AVEN: variants seen among roughly 807,000 people sequenced by gnomAD.
AVEN encodes the protein apoptosis and caspase activation inhibitor, also known as cell death regulator Aven.
AVEN carries 41 observed loss-of-function variants against 38.1 expected under a neutral mutation model. The observed-to-expected ratio is 1.08, with a 90% CI of 0.84 to 1.40. The LOEUF (loss-of-function observed/expected upper bound fraction) is 1.40, where lower values mean the gene tolerates loss of function less well. Among genes scored for constraint, AVEN ranks in the 40% most tolerant of loss-of-function variants. The pLI, the probability that AVEN is intolerant of heterozygous loss-of-function variation, is 0.00. For missense variants in AVEN, 605 were observed against 438.8 expected, an observed-to-expected ratio of 1.38 and a Z score of -3.38; for synonymous variants, 206 against 171.8, an observed-to-expected ratio of 1.20 and a Z score of -1.56.
At chr15:33,983,138 GTGTGTGTGTGTGTGTGTGTGTA>G (rs1222240519) in intron 2 of AVEN, among the ~76,000 whole-genome samples, 1 of 125,376 alleles carries the variant, frequency 8.0e-6, no homozygotes, top group African/African-American at 3.5e-5. Flanking sequence ...CTGTGTGTGT[GTGTGTGTGTGTGTGTGTGTGTA>G]TGTGTGTGTG....
At position 33,866,674 on chromosome 15, in the gene AVEN, C is replaced by CTTGG; in HGVS notation, c.1024_1027dup (p.Ser343ThrfsTer58). ...TTCCTCGGTAACATTTTTGGAGGTA[C>CTTGG]TTGGTTGCTCAGGTTCCATGTTTTT... On this transcript the variant is annotated frameshift_variant, in exon 6 of 6. Transcript: ENST00000306730. LOFTEE classifies it high-confidence loss of function. The CTTGG allele has an allele frequency of 6.2e-7, 1 of 1,614,048 alleles. No homozygotes were observed. Among genetic ancestry groups the CTTGG allele is most frequent in the Non-Finnish European group, 8.5e-7 (1 of 1,179,948 alleles).
chr15:33,933,745 G>A (rs895597053), intron 2 of AVEN, among the ~76,000 whole-genome samples: 1 of 152,176 alleles, frequency 6.6e-6, no homozygotes, highest in African/African-American at 2.4e-5. Context: ...GATCACCTGA[G>A]GCCGGGAGTT....
chr15:34,044,066 C>T (rs970110412), upstream of AVEN, among the ~76,000 whole-genome samples: 4 of 151,008 alleles, frequency 2.6e-5, no homozygotes, highest in African/African-American at 9.8e-5. Flanking sequence ...AGCATACAAG[C>T]ATGCTGTATT....
At chr15:34,053,727 T>C (rs1041761220) in intron 5 of AVEN, among the ~76,000 whole-genome samples, 5 of 152,084 alleles carry the variant, frequency 3.3e-5, no homozygotes. Flanking sequence ...ATAAAAACTC[T>C]AGAAGAAAAG....
intron 2 of AVEN, among the ~76,000 whole-genome samples, chr15:33,933,195 T>C (rs534294200): frequency 1.1e-3 from 173 of 152,218 alleles, no homozygotes; most frequent in African/African-American, 4.0e-3. Context: ...GTTATTATTA[T>C]AGGTAGGTTA....
chr15:33,992,602 T>C (rs1896776487), intron 2 of AVEN, among the ~76,000 whole-genome samples: 1 of 152,218 alleles, frequency 6.6e-6, no homozygotes, highest in South Asian at 2.1e-4. Context: ...AAGAATCTTC[T>C]TCTACTATAT....
In AVEN at chr15:33,882,740, G is replaced by T. The variant is rs187826390; in HGVS notation, c.446-6745C>A. Among the ~76,000 whole-genome samples, 4 of 152,032 alleles carry T rather than the reference G, an allele frequency of 2.6e-5. No homozygotes were observed. The East Asian group carries it at 5.8e-4, about 22-fold the overall frequency. ...AAAATAAAAGTACCCAGGTACAGTG[G>T]CCCGCACCTATAGTCTCAGCTACTC... On this transcript the variant is annotated intron_variant, in intron 2 of 5. Transcript: ENST00000306730.
At chr15:33,963,014 T>C (rs79889402) in intron 2 of AVEN, among the ~76,000 whole-genome samples, 2,202 of 151,264 alleles carry the variant, frequency 0.015, 54 homozygotes, top group African/African-American at 0.05. Context: ...AATTGTGGCC[T>C]TCCTAACATG....
At chr15:33,993,623 T>C (rs1896816044) in intron 2 of AVEN, among the ~76,000 whole-genome samples, 1 of 152,166 alleles carries the variant, frequency 6.6e-6, no homozygotes, top group Non-Finnish European at 1.5e-5. Context: ...AAAAAATTGA[T>C]AATACATATG....
intron 2 of AVEN, among the ~76,000 whole-genome samples, chr15:33,929,598 G>A (rs552518657): frequency 1.8e-4 from 28 of 152,210 alleles, no homozygotes; most frequent in East Asian, 1.4e-3. Flanking sequence ...CAAAACTAAA[G>A]CAAGAATTCT....
At chr15:33,932,146 T>C (rs1893874032) in intron 2 of AVEN, among the ~76,000 whole-genome samples, 1 of 152,216 alleles carries the variant, frequency 6.6e-6, no homozygotes. Flanking sequence ...ACTACAATGC[T>C]AAAAGAAATG....
Position 33,875,915 on chromosome 15 carries a change from C to G in AVEN, c.516+10G>C, listed in dbSNP as rs10519888. 0.025 allele frequency: 40,257 copies of G among 1,611,950 alleles called. 3,924 individuals carry two copies. The East Asian group carries it at 0.37, about 15-fold the overall frequency. On this transcript the variant is annotated intron_variant, in intron 3 of 5. Coordinates refer to ENST00000306730, the MANE Select transcript of AVEN (RefSeq NM_020371.3). ...GAGCCAGTCCACACTTAACACAACT[C>G]TTATCTTACCTGTTTTGGACAAGAA... is the stretch of plus-strand genomic sequence containing the variant.
At chr15:33,880,190 T>G (rs1019328330) in intron 2 of AVEN, among the ~76,000 whole-genome samples, 11 of 152,186 alleles carry the variant, frequency 7.2e-5, no homozygotes, top group East Asian at 3.9e-4. Context: ...CAGGCGCCCC[T>G]ACCCAAAAAG....
chr15:34,059,861 C>T (rs530763693), intron 5 of AVEN, among the ~76,000 whole-genome samples: 1 of 152,236 alleles, frequency 6.6e-6, no homozygotes, highest in South Asian at 2.1e-4. Context: ...CTATTTCTAT[C>T]TGCTAATTTA....
At chr15:33,903,683 A>C (rs116912927) in intron 2 of AVEN, among the ~76,000 whole-genome samples, 5,955 of 152,308 alleles carry the variant, frequency 0.039, 176 homozygotes, top group Non-Finnish European at 0.039. Flanking sequence ...TCTTAACTGA[A>C]TCTGAAAAGA....
At chr15:33,863,862 G>C (rs765145571), downstream of AVEN, among the ~76,000 whole-genome samples, 5 of 152,118 alleles carry the variant, frequency 3.3e-5, no homozygotes, top group South Asian at 2.1e-4. Flanking sequence ...CAATAAAATG[G>C]TGGCCAAAAT....
intron 2 of AVEN, among the ~76,000 whole-genome samples, chr15:33,964,573 A>G (rs553960148): frequency 1.8e-4 from 28 of 152,312 alleles, no homozygotes; most frequent in African/African-American, 6.7e-4. Context: ...GTTTCCTAAT[A>G]ATCAACTGTA....
chr15:33,888,896 C>T (rs983338968), intron 2 of AVEN, among the ~76,000 whole-genome samples: 11 of 151,984 alleles, frequency 7.2e-5, no homozygotes, highest in African/African-American at 1.9e-4. Context: ...GGACTACAGG[C>T]GCATGCCACC....
downstream of AVEN, chr15:33,864,331 A>G (rs1889661001): frequency 3.1e-6 from 2 of 644,278 alleles, no homozygotes; most frequent in South Asian, 2.1e-5. Flanking sequence ...TTGTGACTCA[A>G]TAAGAAGCCA....
Sources: gnomAD v4.1 joint callset for allele counts (sites outside exome capture counted in the v4.1 genomes callset) on GRCh38, gnomAD v4.1.1 for gene constraint, MANE v1.5 for transcripts, NCBI Gene and HGNC (gene_info 2026-07-23, HGNC 2026-07-21) for gene names.